Variants in SEC13 observed in about 807,000 individuals in gnomAD.
SEC13 encodes protein SEC13 homolog.
Under a neutral mutation model 49.2 loss-of-function variants are expected in SEC13, and 25 were observed. The observed-to-expected ratio is 0.51, with a 90% CI of 0.37 to 0.71. The LOEUF (loss-of-function observed/expected upper bound fraction) is 0.71. Among genes scored for constraint, SEC13 ranks in the 30% least tolerant of loss-of-function variants. The pLI is 0.00. For missense variants in SEC13, 383 were observed against 417.6 expected, an observed-to-expected ratio of 0.92 and a Z score of 0.72; for synonymous variants, 148 against 163.9, an observed-to-expected ratio of 0.90 and a Z score of 0.74.
At chr3:10,304,692 A>G (rs548691096) in intron 7 of SEC13, among the ~76,000 whole-genome samples, 1 of 152,282 alleles carries the variant, frequency 6.6e-6, no homozygotes, top group Non-Finnish European at 1.5e-5. Flanking sequence ...AGCTAAGCGT[A>G]TAATTCCCAT....
At chr3:10,309,585 A>G (rs1318775402) in intron 5 of SEC13, among the ~76,000 whole-genome samples, 1 of 152,098 alleles carries the variant, frequency 6.6e-6, no homozygotes, top group African/African-American at 2.4e-5. Flanking sequence ...CTGATTTTTA[A>G]AAAGTTGATT....
rs1215055081 is a variant in SEC13, at chr3:10,305,679, G to A, written c.464C>T (p.Ala155Val). ...INNAHTIGCNAVSWAPAVVPG... is the reference protein window; with the variant it reads ...INNAHTIGCNVVSWAPAVVPG... Reference sequence around the variant, plus strand: ...TACAACAGCAGGGGCCCAGCTGACGGCATTGCAGCCAATCTGTAAAGATGG... The same window carrying A: ...TACAACAGCAGGGGCCCAGCTGACGACATTGCAGCCAATCTGTAAAGATGG... The change falls in exon 6 of 9, where the codon GCC becomes GTC. Residue 155 changes from alanine (A) to valine (V), a missense_variant. Physicochemically the swap from Ala to Val is moderately conservative, Grantham distance 64. Coordinates refer to ENST00000350697, the MANE Select transcript of SEC13 (RefSeq NM_183352.3). 1 of 1,614,070 alleles carries A rather than the reference G, an allele frequency of 6.2e-7. No individual in the cohort carries two copies. Among genetic ancestry groups the A allele is most frequent in the Non-Finnish European group, 8.5e-7 (1 of 1,180,028 alleles).
chr3:10,317,159 G>A (rs1701659861), intron 2 of SEC13, among the ~76,000 whole-genome samples: 1 of 152,142 alleles, frequency 6.6e-6, no homozygotes. Context: ...AGTAAATTGA[G>A]GCTGGCTCAG....
Position 10,305,579 on chromosome 3 carries a change from G to A in SEC13, c.564C>T (p.Asp188=). 6.2e-7 allele frequency: 1 copy of A among 1,614,076 alleles called. No individual in the cohort carries two copies. Among genetic ancestry groups the A allele is most frequent in the Non-Finnish European group, 8.5e-7 (1 of 1,180,026 alleles). Residue 188 remains aspartate, a synonymous_variant, in exon 6 of 9, where the codon GAC becomes GAT. Coordinates refer to ENST00000350697, the MANE Select transcript of SEC13 (RefSeq NM_183352.3). The part of the protein sequence containing the change: ...YIKRFASGGC[D]NLIKLWKEEE... Reference sequence around the variant, plus strand: ...CTTACTTCCACAGCTTGATGAGGTTGTCACAGCCACCTGATGCAAACCTCT... The same window carrying A: ...CTTACTTCCACAGCTTGATGAGGTTATCACAGCCACCTGATGCAAACCTCT...
chr3:10,302,076 C>T (rs1700564513), intron 8 of SEC13, among the ~76,000 whole-genome samples: 2 of 152,018 alleles, frequency 1.3e-5, no homozygotes, highest in Admixed American at 6.6e-5. Flanking sequence ...CATCTCATCT[C>T]TACTAAAAAT....
chr3:10,317,937 C>A, intron 2 of SEC13, 113 bp downstream of exon 2: 1 of 712,254 alleles, frequency 1.4e-6, no homozygotes. Context: ...TGCAAAGCCA[C>A]CCTGGATCCA....
chr3:10,300,940 A>G lies in SEC13; in HGVS notation c.*321T>C, dbSNP rs1253206941. 3.7e-6 allele frequency: 3 copies of G among 807,510 alleles called. No individual in the cohort carries two copies. The highest frequency in any genetic ancestry group is 6.0e-6 in the Non-Finnish European group (3 of 498,448). The allele number at this position is 807,510 out of a possible 1,614,324, so 50.0% of individuals were successfully genotyped here. ...GATAACGCAGCAGGAATTATAAGCAATATGACTTTATTTAGTTCCTTTGGA... is the reference window on the plus strand; with the variant it reads ...GATAACGCAGCAGGAATTATAAGCAGTATGACTTTATTTAGTTCCTTTGGA... On this transcript the variant is annotated 3_prime_UTR_variant, in exon 9 of 9. Coordinates refer to ENST00000350697, the MANE Select transcript of SEC13 (RefSeq NM_183352.3).
At chr3:10,309,304 A>G (rs369970245) in intron 5 of SEC13, among the ~76,000 whole-genome samples, 2 of 152,054 alleles carry the variant, frequency 1.3e-5, no homozygotes, top group East Asian at 1.9e-4. Context: ...TAATTTTAAG[A>G]AAGTTTTCTG....
At chr3:10,308,128 G>A (rs1032525416) in intron 5 of SEC13, among the ~76,000 whole-genome samples, 2 of 152,136 alleles carry the variant, frequency 1.3e-5, no homozygotes, top group Non-Finnish European at 2.9e-5. Context: ...ATGATTTGGT[G>A]AATTTTGACA....
rs773251362 is a variant in SEC13, at chr3:10,321,102, C to T, written c.-50G>A. On this transcript the variant is annotated 5_prime_UTR_variant, in exon 1 of 9. Coordinates refer to ENST00000350697, the MANE Select transcript of SEC13 (RefSeq NM_183352.3). This position sits in a 1 kb window ranked among gnomAD's most constrained non-coding sequence, Gnocchi z 4.1. ...TCTCGGACGTGGCAGCTCCCGGCGG[C>T]GCCTCGGAACAGCTCACTTCCGGCG... 2.5e-6 allele frequency: 4 copies of T among 1,611,602 alleles called. No homozygotes were observed. The highest frequency in any genetic ancestry group is 1.7e-4 in the Middle Eastern group (1 of 6,052).
intron 3 of SEC13, chr3:10,313,480 G>T (rs1253015986): frequency 1.9e-6 from 1 of 525,686 alleles, no homozygotes; most frequent in Admixed American, 2.0e-5. Context: ...ATAAAGTTTG[G>T]AACAATGCTT....
intron 5 of SEC13, among the ~76,000 whole-genome samples, chr3:10,310,163 C>T (rs985720188): frequency 2.6e-5 from 4 of 152,150 alleles, no homozygotes; most frequent in African/African-American, 9.7e-5. Flanking sequence ...AGAAGATGCT[C>T]ACCATCATCT....
At chr3:10,317,333 C>G (rs2125284632) in intron 2 of SEC13, among the ~76,000 whole-genome samples, 1 of 152,266 alleles carries the variant, frequency 6.6e-6, no homozygotes, top group African/African-American at 2.4e-5. Context: ...CCAAAAGCAA[C>G]TGTTGGTGGA....
At position 10,312,717 on chromosome 3, in the gene SEC13, C is replaced by G; in HGVS notation, c.178G>C (p.Val60Leu). 6.2e-7 allele frequency: 1 copy of G among 1,614,222 alleles called. No homozygotes were observed. Among genetic ancestry groups the G allele is most frequent in the Non-Finnish European group, 8.5e-7 (1 of 1,180,042 alleles). ...IADLRGHEGP[V>L]WQVAWAHPMY... The stretch of plus-strand genomic sequence containing the variant: ...GGGTGAGCCCAGGCCACTTGCCACA[C>G]AGGACCCTCATGACTACAAAGGGAG... Residue 60 changes from valine to leucine, a missense_variant, in exon 4 of 9, where the codon GTG becomes CTG. Physicochemically the swap from Val to Leu is conservative, Grantham distance 32. Transcript: ENST00000350697.
rs1700791101 is a variant in SEC13, at chr3:10,305,162, A to G, written c.585-6T>C. 1 of 1,606,962 alleles carries G rather than the reference A, an allele frequency of 6.2e-7. No homozygotes were observed. The highest frequency in any genetic ancestry group is 1.3e-5 in the African/African-American group (1 of 74,946). The stretch of plus-strand genomic sequence containing the variant: ...ACTGGCCGTCCTCCTCCTCCCTAAC[A>G]GTGGGGACAGAAAGAGAATCAGCAG... On this transcript the variant is annotated splice_polypyrimidine_tract_variant and splice_region_variant and intron_variant, in intron 6 of 8. Transcript: ENST00000350697.
rs1346768720 is a variant in SEC13 at position 10,321,055 on chromosome 3, T to C, written c.-3A>G. 1.1e-5 allele frequency: 17 copies of C among 1,613,292 alleles called. No homozygotes were observed. Among genetic ancestry groups the C allele is most frequent in the Non-Finnish European group, 1.3e-5 (15 of 1,179,742 alleles). ...TCCTCAGTACCAACACTCACCATGA[T>C]TGCGGCGGTGGCTGCTCCAGGTCTC... On this transcript the variant is annotated 5_prime_UTR_variant, in exon 1 of 9. Coordinates refer to ENST00000350697, the MANE Select transcript of SEC13 (RefSeq NM_183352.3). The surrounding 1 kb of genome is among the most constrained non-coding windows in gnomAD (Gnocchi z 4.1).
chr3:10,317,473 C>G (rs180887560), intron 2 of SEC13, among the ~76,000 whole-genome samples: 1 of 152,206 alleles, frequency 6.6e-6, no homozygotes, highest in East Asian at 1.9e-4. Context: ...AACCTCTGGA[C>G]CTTCTCCTGC....
At chr3:10,301,776 G>A (rs933662903) in intron 8 of SEC13, among the ~76,000 whole-genome samples, 2 of 152,148 alleles carry the variant, frequency 1.3e-5, no homozygotes, top group Non-Finnish European at 2.9e-5. Flanking sequence ...TCTGGGGGTG[G>A]GGCTGGCAAT....
At position 10,303,939 on chromosome 3, in the gene SEC13, C is replaced by T. The variant is rs1356385780; in HGVS notation, c.855+87G>A. 9 of 1,464,292 alleles carry T rather than the reference C, an allele frequency of 6.1e-6. No homozygotes were observed. In the South Asian group the frequency reaches 8.1e-5, roughly 13 times the overall value. 90.7% of individuals were successfully genotyped at this position (1,464,292 alleles called of 1,614,324 possible). A position where few individuals can be genotyped will look rare whatever the true frequency, so the allele number is the denominator to read the frequency against. On this transcript the variant is annotated intron_variant, in intron 8 of 8. Transcript: ENST00000350697. ...CTAAGGCTCCTGCCCAGCCTGCAGTCAGATGGGAATGTCAAGTGCCCTCTC... is the reference window on the plus strand; with the variant it reads ...CTAAGGCTCCTGCCCAGCCTGCAGTTAGATGGGAATGTCAAGTGCCCTCTC...
Sources: allele counts gnomAD v4.1 joint callset (sites outside exome capture counted in the v4.1 genomes callset), GRCh38; gene constraint gnomAD v4.1.1; non-coding constraint Gnocchi (gnomAD v3.1); transcripts MANE v1.5; gene names NCBI Gene and HGNC (gene_info 2026-07-23, HGNC 2026-07-21).